DLG2: variants seen among roughly 807,000 people sequenced by gnomAD.
DLG2 encodes the protein disks large homolog 2.
DLG2 carries 45 observed loss-of-function variants against 132.5 expected under a neutral mutation model. The observed-to-expected ratio is 0.34, with a 90% CI of 0.27 to 0.44. DLG2 has a LOEUF of 0.44. DLG2 is among the 20% of genes least tolerant of loss of function. The probability of loss-of-function intolerance (pLI) is 1.00; values close to 1 mark genes in which losing one functional copy is unlikely to be tolerated. For synonymous variants in DLG2, 424 were observed against 419.6 expected (o/e 1.01, Z -0.13); for missense variants, 1,045 against 1,196.9 (o/e 0.87, Z 1.87).
chr11:84,171,334 G>A (rs1006333365), intron 8 of DLG2, among the ~76,000 whole-genome samples: 1 of 152,112 alleles, frequency 6.6e-6, no homozygotes, highest in Non-Finnish European at 1.5e-5. Context: ...TGGGCTTTTA[G>A]TGTAAGGATC....
chr11:85,313,536 G>A (rs1289835912), intron 3 of DLG2, among the ~76,000 whole-genome samples: 1 of 152,052 alleles, frequency 6.6e-6, no homozygotes, highest in South Asian at 2.1e-4. Context: ...CTACAATAAT[G>A]TAACATAGTC....
At chr11:85,035,877 G>A (rs2061396168) in intron 6 of DLG2, among the ~76,000 whole-genome samples, 1 of 152,000 alleles carries the variant, frequency 6.6e-6, no homozygotes, top group Non-Finnish European at 1.5e-5. Context: ...ATGCATATTT[G>A]GCTTCTGAAT....
Position 83,632,936 on chromosome 11 carries a change from C to A in DLG2, c.1940+275G>T, listed in dbSNP as rs1591339472. The A allele has an allele frequency of 8.0e-6, 3 of 376,418 alleles. No homozygotes were observed. The East Asian group carries it at 1.4e-4, about 18-fold the overall frequency. 23.3% of individuals were successfully genotyped at this position (376,418 alleles called of 1,614,324 possible). ...AGATTTATTAGAAATGAAAATGTTTCTTCTCATTATTTTTATTGCAACCTA... is the reference window on the plus strand; with the variant it reads ...AGATTTATTAGAAATGAAAATGTTTATTCTCATTATTTTTATTGCAACCTA... On this transcript the variant is annotated intron_variant, in intron 19 of 27. Coordinates refer to ENST00000376104, the MANE Select transcript of DLG2 (RefSeq NM_001142699.3).
At chr11:85,337,232 A>G (rs907067721) in intron 3 of DLG2, among the ~76,000 whole-genome samples, 2 of 152,162 alleles carry the variant, frequency 1.3e-5, no homozygotes, top group Non-Finnish European at 2.9e-5. Context: ...TATTCTGTTA[A>G]AAATATTTTA....
intron 6 of DLG2, among the ~76,000 whole-genome samples, chr11:84,875,900 G>A (rs1265669998): frequency 6.6e-6 from 1 of 152,062 alleles, no homozygotes; most frequent in African/African-American, 2.4e-5. Context: ...ACCATACCTG[G>A]CTAATTTTTG....
At position 85,070,458 on chromosome 11, in the gene DLG2, A is replaced by G. The variant is rs561250317; in HGVS notation, c.357+41203T>C. Among the ~76,000 whole-genome samples the G allele has an allele frequency of 9.2e-5, 14 of 151,920 alleles. No individual in the cohort carries two copies. In the South Asian group the frequency reaches 2.9e-3, roughly 31 times the overall value. ...GAAACCGTGTGGAGAAAGAAAGAAAATATGAAAAACCTACTCGGTACATTC... is the reference window on the plus strand; with the variant it reads ...GAAACCGTGTGGAGAAAGAAAGAAAGTATGAAAAACCTACTCGGTACATTC... On this transcript the variant is annotated intron_variant, in intron 6 of 27. Transcript: ENST00000376104.
At chr11:84,580,968 G>C (rs542228064) in intron 6 of DLG2, among the ~76,000 whole-genome samples, 6 of 152,302 alleles carry the variant, frequency 3.9e-5, no homozygotes, top group African/African-American at 1.4e-4. Context: ...GTAGTAGAGA[G>C]GGTATTTTCA....
rs143805928 is a variant in DLG2 at position 84,358,462 on chromosome 11, C to G, written c.520-107171G>C. 4.7e-5 allele frequency among the ~76,000 whole-genome samples: 7 copies of G among 149,876 alleles called. No homozygotes were observed. In the East Asian group the frequency reaches 1.4e-3, roughly 29 times the overall value. On this transcript the variant is annotated intron_variant, in intron 7 of 27. Coordinates refer to ENST00000376104, the MANE Select transcript of DLG2 (RefSeq NM_001142699.3). ...CATGCCTTCATTTTCTTTTTTTGTG[C>G]CAGGTAATAAGTAGATAAAAATGAT... is the stretch of plus-strand genomic sequence containing the variant.
intron 6 of DLG2, among the ~76,000 whole-genome samples, chr11:84,672,016 G>C (rs1479597547): frequency 6.6e-6 from 1 of 152,124 alleles, no homozygotes; most frequent in Non-Finnish European, 1.5e-5. Flanking sequence ...CAGTTATCCA[G>C]AACCTCATTT....
At chr11:84,676,923 G>T (rs1007991685) in intron 6 of DLG2, among the ~76,000 whole-genome samples, 3 of 151,972 alleles carry the variant, frequency 2.0e-5, no homozygotes, top group Non-Finnish European at 4.4e-5. Context: ...AGTGAGAAAA[G>T]CCTGCAGCAG....
chr11:84,954,359 A>T (rs1442344534), intron 6 of DLG2, among the ~76,000 whole-genome samples: 2 of 152,074 alleles, frequency 1.3e-5, no homozygotes, highest in Non-Finnish European at 2.9e-5. Flanking sequence ...ATAAAAAAAA[A>T]AAAAAAACCC....
chr11:84,995,291 T>C (rs1183145591), intron 6 of DLG2, among the ~76,000 whole-genome samples: 1 of 152,234 alleles, frequency 6.6e-6, no homozygotes, highest in East Asian at 1.9e-4. Flanking sequence ...AGGATACCTC[T>C]GTGGGCTCTG....
chr11:84,534,479 C>A, intron 7 of DLG2, 91 bp downstream of exon 7: 8 of 1,310,692 alleles, frequency 6.1e-6, no homozygotes, highest in Non-Finnish European at 8.6e-6. Context: ...TTTAAAAGAG[C>A]CTCATTTAAT....
chr11:84,255,861 A>G (rs1429969232), intron 7 of DLG2, among the ~76,000 whole-genome samples: 1 of 152,174 alleles, frequency 6.6e-6, no homozygotes, highest in Non-Finnish European at 1.5e-5. Context: ...TTCTTTCTTA[A>G]GTAAACCAAA....
intron 18 of DLG2, among the ~76,000 whole-genome samples, chr11:83,633,743 AACACACACACACAC>A (rs35932645): frequency 2.8e-5 from 4 of 143,294 alleles, no homozygotes; most frequent in Admixed American, 7.0e-5. Flanking sequence ...CACAGAACTA[AACACACACACACAC>A]ACACACACAC....
intron 18 of DLG2, among the ~76,000 whole-genome samples, chr11:83,778,819 G>C (rs1034142272): frequency 6.6e-6 from 1 of 152,064 alleles, no homozygotes; most frequent in Non-Finnish European, 1.5e-5. Flanking sequence ...AGACTGTTCA[G>C]GAATCATCTT....
intron 6 of DLG2, among the ~76,000 whole-genome samples, chr11:84,796,067 A>G (rs528010239): frequency 2.4e-4 from 37 of 152,346 alleles, no homozygotes; most frequent in African/African-American, 8.4e-4. Flanking sequence ...AGTGGGCCCA[A>G]GCAAAACTTG....
At chr11:83,522,820 T>C (rs2095517439) in intron 21 of DLG2, among the ~76,000 whole-genome samples, 1 of 147,160 alleles carries the variant, frequency 6.8e-6, no homozygotes, top group Non-Finnish European at 1.5e-5. Flanking sequence ...CCCCCCTTTT[T>C]TTTTTAATCA....
rs1375577511 is a variant in DLG2 at position 84,486,545 on chromosome 11, C to T, written c.519+48025G>A. Among the ~76,000 whole-genome samples the T allele has an allele frequency of 3.3e-5, 5 of 152,112 alleles. 1 individual carries two copies. Among genetic ancestry groups the T allele is most frequent in the African/African-American group, 9.6e-5 (4 of 41,502 alleles). On this transcript the variant is annotated intron_variant, in intron 7 of 27. Transcript: ENST00000376104. ...CATATTAATTATTTACATGTTTATGCGAGTGACAAGATGATTTCCTTCTAT... is the reference window on the plus strand; with the variant it reads ...CATATTAATTATTTACATGTTTATGTGAGTGACAAGATGATTTCCTTCTAT...
Sources: gnomAD v4.1 joint callset for allele counts (sites outside exome capture counted in the v4.1 genomes callset) on GRCh38, gnomAD v4.1.1 for gene constraint, MANE v1.5 for transcripts, NCBI Gene and HGNC (gene_info 2026-07-23, HGNC 2026-07-21) for gene names.